The following CNOT2 variants were observed in gnomAD, a reference collection of about 807,000 sequenced individuals.
The protein encoded by CNOT2 is CCR4-NOT transcription complex subunit 2.
In CNOT2, 7 loss-of-function variants were observed where a neutral mutation model predicts 72.1. That is an observed-to-expected ratio of 0.10 (90% CI 0.06 to 0.18). CNOT2 has a LOEUF of 0.18. CNOT2 is among the 10% of genes least tolerant of loss of function. The pLI is 1.00. For synonymous variants in CNOT2, 196 were observed against 225.6 expected (o/e 0.87, Z 1.17); for missense variants, 345 against 660.3 (o/e 0.52, Z 5.23).
intron 2 of CNOT2, among the ~76,000 whole-genome samples, chr12:70,299,756 G>C (rs942652049): frequency 4.6e-5 from 7 of 152,264 alleles, no homozygotes; most frequent in East Asian, 1.9e-4. Context: ...GGATGGCTGG[G>C]TCAAATGGTA....
chr12:70,268,196 A>AT (rs1959142490), intron 1 of CNOT2, among the ~76,000 whole-genome samples: 1 of 151,826 alleles, frequency 6.6e-6, no homozygotes, highest in Non-Finnish European at 1.5e-5. Flanking sequence ...AAGTGTCTTT[A>AT]TTTCACCTTT....
At chr12:70,297,857 C>A (rs1051062718) in intron 2 of CNOT2, 10 of 243,244 alleles carry the variant, frequency 4.1e-5, no homozygotes, top group East Asian at 1.7e-4. Flanking sequence ...CCTGCCTCGG[C>A]CTCCAAGTAG....
chr12:70,276,367 A>G (rs947753938), intron 1 of CNOT2, among the ~76,000 whole-genome samples: 1 of 152,010 alleles, frequency 6.6e-6, no homozygotes. Flanking sequence ...TAAATATTAT[A>G]TAAGAAGGAA....
chr12:70,283,519 A>G (rs1157094147), intron 2 of CNOT2, among the ~76,000 whole-genome samples: 1 of 141,806 alleles, frequency 7.1e-6, no homozygotes, highest in East Asian at 2.2e-4. Context: ...AATTTTATTA[A>G]ATTAATACTT....
At chr12:70,346,000 T>C in intron 14 of CNOT2, 180 bp from the exon 15 acceptor site, 1 of 505,846 alleles carries the variant, frequency 2.0e-6, no homozygotes, top group Middle Eastern at 5.0e-4. Context: ...TTAAGAAATA[T>C]TTTTTCTATA....
intron 3 of CNOT2, among the ~76,000 whole-genome samples, chr12:70,315,532 T>C (rs1877188794): frequency 6.6e-6 from 1 of 152,138 alleles, no homozygotes; most frequent in Non-Finnish European, 1.5e-5. Flanking sequence ...TCATGGAATT[T>C]TTATTTAACA....
intron 2 of CNOT2, among the ~76,000 whole-genome samples, chr12:70,283,453 CTCAG>C (rs762692128): frequency 3.0e-4 from 38 of 126,006 alleles, no homozygotes; most frequent in African/African-American, 1.1e-3. Flanking sequence ...GAGCAAGACC[CTCAG>C]TCAGTCGATT....
In CNOT2 at chr12:70,343,259, A is replaced by T. The variant is rs182301539; in HGVS notation, c.1291-869A>T. On this transcript the variant is annotated intron_variant, in intron 13 of 15. Transcript: ENST00000229195. Reference sequence around the variant, plus strand: ...GGGCTGCTGCCTGAATAGGGATAACATGAATGGAGAGAAAAATTACATTCA... The same window carrying T: ...GGGCTGCTGCCTGAATAGGGATAACTTGAATGGAGAGAAAAATTACATTCA... 2.6e-5 allele frequency among the ~76,000 whole-genome samples: 4 copies of T among 152,360 alleles called. No homozygotes were observed. In the East Asian group the frequency reaches 7.7e-4, roughly 29 times the overall value.
At chr12:70,273,950 A>G (rs1472836078) in intron 1 of CNOT2, among the ~76,000 whole-genome samples, 1 of 152,104 alleles carries the variant, frequency 6.6e-6, no homozygotes, top group East Asian at 1.9e-4. Flanking sequence ...AATTCATTTC[A>G]ATAGATTATT....
intron 1 of CNOT2, among the ~76,000 whole-genome samples, chr12:70,260,323 G>A (rs1029378393): frequency 3.3e-5 from 5 of 151,654 alleles, no homozygotes; most frequent in Non-Finnish European, 5.9e-5. Flanking sequence ...AGAATGTTTT[G>A]TAGTTTTTAT....
chr12:70,330,016 G>T (rs552250408), intron 5 of CNOT2, among the ~76,000 whole-genome samples: 2 of 152,074 alleles, frequency 1.3e-5, no homozygotes, highest in East Asian at 1.9e-4. Context: ...CTAAATATGT[G>T]TGTGAAATAC....
At chr12:70,255,014 A>T (rs1280504233) in intron 1 of CNOT2, among the ~76,000 whole-genome samples, 1 of 151,828 alleles carries the variant, frequency 6.6e-6, no homozygotes, top group Non-Finnish European at 1.5e-5. Context: ...AGAAGAAAAA[A>T]AGAAAACTGG....
At chr12:70,316,757 C>T (rs937534635) in intron 3 of CNOT2, among the ~76,000 whole-genome samples, 9 of 152,038 alleles carry the variant, frequency 5.9e-5, no homozygotes, top group Admixed American at 2.0e-4. Context: ...AAGTAATTGG[C>T]CTAGGGACCT....
chr12:70,352,033 AT>A (rs1043780189), intron 15 of CNOT2, among the ~76,000 whole-genome samples: 6 of 150,284 alleles, frequency 4.0e-5, no homozygotes, highest in African/African-American at 1.5e-4. Context: ...CAGGGGACTG[AT>A]TTTTTTTTTC....
intron 2 of CNOT2, among the ~76,000 whole-genome samples, chr12:70,307,017 AT>A (rs1487722202): frequency 2.6e-5 from 4 of 152,154 alleles, no homozygotes; most frequent in African/African-American, 9.7e-5. Context: ...GATACAAAAC[AT>A]TTTTTTAAAA....
intron 1 of CNOT2, among the ~76,000 whole-genome samples, chr12:70,254,852 G>A (rs1015106401): frequency 7.9e-5 from 12 of 151,864 alleles, no homozygotes; most frequent in Admixed American, 4.6e-4. Context: ...ATGGTGGCAC[G>A]TGTCTCTAAT....
rs368290194 is a variant in CNOT2, at chr12:70,287,854, C to G, written c.48+9580C>G. 2.8e-4 allele frequency among the ~76,000 whole-genome samples: 42 copies of G among 149,846 alleles called. 5 individuals are homozygous for G. In the East Asian group the frequency reaches 8.6e-3, roughly 31 times the overall value. ...AGCTATCATTTCATGTTTCTTAGAA[C>G]TCTGGGAATTCTTTGAGCACTGGGT... is the stretch of plus-strand genomic sequence containing the variant. On this transcript the variant is annotated intron_variant, in intron 2 of 15. Coordinates refer to ENST00000229195, the MANE Select transcript of CNOT2 (RefSeq NM_014515.7).
rs11285130 is a variant in CNOT2, at chr12:70,271,375, C to CTTT, written c.-95-6737_-95-6735dup. 1.6e-3 allele frequency among the ~76,000 whole-genome samples: 144 copies of CTTT among 89,462 alleles called. 2 individuals are homozygous for CTTT. The highest frequency in any genetic ancestry group is 4.8e-3 in the African/African-American group (112 of 23,560). 58.7% of individuals were successfully genotyped at this position (89,462 alleles called of 152,430 possible). On this transcript the variant is annotated intron_variant, in intron 1 of 15. Transcript: ENST00000229195. Reference sequence around the variant, plus strand: ...AATTGGCTTACACTGATCACATTTCCTTTTTTTTTTTTTTTTTTTTTTGAG... The same window carrying CTTT: ...AATTGGCTTACACTGATCACATTTCCTTTTTTTTTTTTTTTTTTTTTTTTTGAG...
chr12:70,325,419 A>T (rs1395694972), intron 4 of CNOT2, among the ~76,000 whole-genome samples: 2 of 151,858 alleles, frequency 1.3e-5, no homozygotes, highest in African/African-American at 4.8e-5. Context: ...TGATGCAAAC[A>T]TTATTAACTA....
Sources: gnomAD v4.1 joint callset for allele counts (sites outside exome capture counted in the v4.1 genomes callset) on GRCh38, gnomAD v4.1.1 for gene constraint, MANE v1.5 for transcripts, NCBI Gene and HGNC (gene_info 2026-07-23, HGNC 2026-07-21) for gene names.